Variants in COA1 observed in about 807,000 individuals in gnomAD.
COA1 encodes the protein cytochrome c oxidase assembly factor 1.
In COA1, 13 loss-of-function variants were observed where a neutral mutation model predicts 16.0. The observed-to-expected ratio is 0.81, with a 90% CI of 0.53 to 1.29. The LOEUF (loss-of-function observed/expected upper bound fraction) is 1.29. Among genes scored for constraint, COA1 ranks in the 50% most tolerant of loss-of-function variants. COA1 has a pLI of 0.00. For missense variants in COA1, 179 were observed against 177.0 expected, an observed-to-expected ratio of 1.01 and a Z score of -0.06; for synonymous variants, 65 against 65.7, an observed-to-expected ratio of 0.99 and a Z score of 0.05.
At chr7:43,698,701 G>C (rs1270540873) in intron 1 of COA1, among the ~76,000 whole-genome samples, 1 of 152,132 alleles carries the variant, frequency 6.6e-6, no homozygotes, top group Non-Finnish European at 1.5e-5. Context: ...TGTGAGATGT[G>C]AATCATAAAT....
chr7:43,624,692 T>C (rs765518197), intron 6 of COA1: 5 of 1,614,112 alleles, frequency 3.1e-6, no homozygotes, highest in South Asian at 1.1e-5. Flanking sequence ...AGGAATCCAT[T>C]GTAACCGAAG....
chr7:43,664,128 A>AGAGAGAGAGAGAGAGG (rs963621045), intron 1 of COA1, among the ~76,000 whole-genome samples: 1 of 147,934 alleles, frequency 6.8e-6, no homozygotes, highest in East Asian at 1.9e-4. Context: ...AGAGAGAGAG[A>AGAGAGAGAGAGAGAGG]GAGTCTTGCT....
chr7:43,686,562 G>C (rs893864430), intron 1 of COA1, among the ~76,000 whole-genome samples: 3 of 152,092 alleles, frequency 2.0e-5, no homozygotes, highest in African/African-American at 7.2e-5. Context: ...CCAAAGTGCT[G>C]GGATTACAGG....
At chr7:43,721,874 G>C (rs2095511651) in intron 1 of COA1, among the ~76,000 whole-genome samples, 3 of 151,076 alleles carry the variant, frequency 2.0e-5, no homozygotes, top group Non-Finnish European at 2.9e-5. Context: ...AAATTTCAAA[G>C]TTTTGCTACT....
At chr7:43,611,514 C>G (rs1274471222) in intron 6 of COA1, among the ~76,000 whole-genome samples, 1 of 151,956 alleles carries the variant, frequency 6.6e-6, no homozygotes, top group African/African-American at 2.4e-5. Flanking sequence ...CTAGTTAAAA[C>G]CTTTCATAGC....
downstream of COA1, among the ~76,000 whole-genome samples, chr7:43,634,449 C>T (rs769984630): frequency 1.3e-5 from 2 of 152,150 alleles, no homozygotes; most frequent in Non-Finnish European, 2.9e-5. Flanking sequence ...CGCTAGAACA[C>T]GTGGGTCCCA....
chr7:43,621,477 A>G (rs769910134), intron 6 of COA1, among the ~76,000 whole-genome samples: 13 of 152,124 alleles, frequency 8.5e-5, no homozygotes, highest in Non-Finnish European at 1.9e-4. Context: ...TTTTGTTTTA[A>G]TGCTTTCTTT....
chr7:43,696,135 G>A (rs1173322231), intron 1 of COA1, among the ~76,000 whole-genome samples: 7 of 152,100 alleles, frequency 4.6e-5, no homozygotes, highest in African/African-American at 1.2e-4. Context: ...CACCGCACCC[G>A]GCCAGAAACT....
At chr7:43,622,277 C>A (rs1217197123) in intron 6 of COA1, 1 of 151,590 alleles carries the variant, frequency 6.6e-6, no homozygotes, top group Non-Finnish European at 1.5e-5. Flanking sequence ...CTGTTTCTCA[C>A]TCAACCATTT....
At chr7:43,628,367 G>T (rs1370817499) in intron 6 of COA1, among the ~76,000 whole-genome samples, 4 of 152,166 alleles carry the variant, frequency 2.6e-5, no homozygotes, top group Non-Finnish European at 5.9e-5. Flanking sequence ...TCTGTTCATG[G>T]ACCCCTGAGC....
intron 1 of COA1, among the ~76,000 whole-genome samples, chr7:43,692,189 A>G (rs1403844888): frequency 6.6e-6 from 1 of 152,194 alleles, no homozygotes; most frequent in Non-Finnish European, 1.5e-5. Flanking sequence ...AGAGAAATTT[A>G]TAATCACCAA....
chr7:43,619,063 C>A (rs972929751), intron 6 of COA1, among the ~76,000 whole-genome samples: 1 of 152,124 alleles, frequency 6.6e-6, no homozygotes, highest in Non-Finnish European at 1.5e-5. Flanking sequence ...GGAATTTCAA[C>A]AATACAAGGA....
At chr7:43,629,725 T>G (rs2084979290) in intron 6 of COA1, among the ~76,000 whole-genome samples, 3 of 152,176 alleles carry the variant, frequency 2.0e-5, no homozygotes, top group Admixed American at 1.3e-4. Flanking sequence ...CTCCTCTACT[T>G]TTTCAGATTA....
chr7:43,708,837 G>A (rs1310178948), intron 1 of COA1, among the ~76,000 whole-genome samples: 1 of 151,934 alleles, frequency 6.6e-6, no homozygotes, highest in African/African-American at 2.4e-5. Flanking sequence ...TCACAGAGTT[G>A]CAACCATCTT....
intron 1 of COA1, among the ~76,000 whole-genome samples, chr7:43,682,638 A>T (rs571360880): frequency 4.6e-5 from 7 of 152,340 alleles, no homozygotes; most frequent in Admixed American, 2.0e-4. Context: ...CATCACTTAA[A>T]GTTTGAACAT....
intron 6 of COA1, among the ~76,000 whole-genome samples, chr7:43,615,096 A>G (rs1038991708): frequency 2.0e-5 from 3 of 152,242 alleles, no homozygotes; most frequent in Non-Finnish European, 4.4e-5. Context: ...ATGAATATGT[A>G]TCACTGAACC....
rs1563381565 is a variant in COA1 at position 43,691,282 on chromosome 7, AAAGAAAG to A, written c.-39+38140_-39+38146del. Among the ~76,000 whole-genome samples, 332 of 47,318 alleles carry A rather than the reference AAAGAAAG, an allele frequency of 7.0e-3. 23 individuals carry two copies. Among genetic ancestry groups the A allele is most frequent in the African/African-American group, 0.021 (317 of 15,020 alleles). 31.0% of individuals were successfully genotyped at this position (47,318 alleles called of 152,430 possible). A position where few individuals can be genotyped will look rare whatever the true frequency, so the allele number is the denominator to read the frequency against. ...AAAGAAAGAAAAGAAAGAAAGAAAG[AAAGAAAG>A]AAAGAAAGAAAGAAAGAAAGAAAGA... On this transcript the variant is annotated intron_variant, in intron 1 of 5. Coordinates refer to ENST00000223336, the MANE Select transcript of COA1 (RefSeq NM_018224.4).
intron 1 of COA1, among the ~76,000 whole-genome samples, chr7:43,684,164 T>C (rs1184649880): frequency 2.6e-5 from 4 of 152,220 alleles, no homozygotes; most frequent in Admixed American, 1.3e-4. Context: ...GGTTTTGGGA[T>C]AAAACCTTCC....
chr7:43,628,583 T>C (rs2084855589), intron 6 of COA1, among the ~76,000 whole-genome samples: 1 of 152,228 alleles, frequency 6.6e-6, no homozygotes, highest in African/African-American at 2.4e-5. Context: ...CATTGTACTC[T>C]GGTTGTTTTT....
Sources: gnomAD v4.1 joint callset for allele counts (sites outside exome capture counted in the v4.1 genomes callset) on GRCh38, gnomAD v4.1.1 for gene constraint, MANE v1.5 for transcripts, NCBI Gene and HGNC (gene_info 2026-07-23, HGNC 2026-07-21) for gene names.